The following BRINP3 variants were observed in gnomAD, a reference collection of about 807,000 sequenced individuals.
BRINP3 encodes the protein BMP/retinoic acid-inducible neural-specific protein 3.
Under a neutral mutation model 71.0 loss-of-function variants are expected in BRINP3, and 19 were observed. The ratio of observed to expected loss-of-function variants is 0.27; its 90% CI spans 0.19 to 0.39. The LOEUF is 0.39. BRINP3 is among the 10% of genes least tolerant of loss of function. BRINP3 has a pLI of 1.00. For missense variants in BRINP3, 959 were observed against 940.8 expected, an observed-to-expected ratio of 1.02 and a Z score of -0.25; for synonymous variants, 380 against 337.7, an observed-to-expected ratio of 1.13 and a Z score of -1.37.
At chr1:190,454,566 TCCCG>T in intron 2 of BRINP3, 85 bp downstream of exon 2, 1 of 1,013,408 alleles carries the variant, frequency 9.9e-7, no homozygotes, top group Non-Finnish European at 1.5e-6. Flanking sequence ...AATACCTTTT[TCCCG>T]TCTGAAACTT....
At chr1:190,176,704 T>C (rs1204235246) in intron 6 of BRINP3, among the ~76,000 whole-genome samples, 4 of 152,148 alleles carry the variant, frequency 2.6e-5, no homozygotes, top group Non-Finnish European at 5.9e-5. Flanking sequence ...CTCTTAAACC[T>C]GAAGGGACGG....
intron 1 of BRINP3, among the ~76,000 whole-genome samples, chr1:190,471,890 A>G (rs1677162277): frequency 6.6e-6 from 1 of 151,480 alleles, no homozygotes; most frequent in Admixed American, 6.6e-5. Context: ...CAGGAAGTGT[A>G]TTATTTCAAG....
intron 7 of BRINP3, among the ~76,000 whole-genome samples, chr1:190,154,665 A>C (rs750535531): frequency 1.7e-4 from 26 of 152,142 alleles, no homozygotes; most frequent in Non-Finnish European, 3.1e-4. Context: ...GAAGCATTTA[A>C]AAGAAAGTTT....
At chr1:190,111,690 G>A (rs1379771856) in intron 7 of BRINP3, among the ~76,000 whole-genome samples, 1 of 152,054 alleles carries the variant, frequency 6.6e-6, no homozygotes, top group Non-Finnish European at 1.5e-5. Context: ...CCCTGAAAAT[G>A]GACATGAGGT....
At chr1:190,263,538 C>G (rs1571560285) in intron 4 of BRINP3, among the ~76,000 whole-genome samples, 1 of 151,696 alleles carries the variant, frequency 6.6e-6, no homozygotes, top group South Asian at 2.1e-4. Flanking sequence ...AGCAATCTTC[C>G]GAGCATTCTA....
intron 6 of BRINP3, among the ~76,000 whole-genome samples, chr1:190,186,650 T>C (rs1270116171): frequency 6.6e-6 from 1 of 152,094 alleles, no homozygotes; most frequent in Non-Finnish European, 1.5e-5. Flanking sequence ...ACCCTATTTA[T>C]TTCACATTTT....
At chr1:190,444,590 AG>A (rs1388324661) in intron 2 of BRINP3, among the ~76,000 whole-genome samples, 1 of 151,702 alleles carries the variant, frequency 6.6e-6, no homozygotes, top group Non-Finnish European at 1.5e-5. Flanking sequence ...CCTGGAGTTC[AG>A]TGGCTCGAAC....
In BRINP3 at chr1:190,113,055, CTG is replaced by C. The variant is rs1190954890; in HGVS notation, c.1185-13923_1185-13922del. On this transcript the variant is annotated intron_variant, in intron 7 of 7. Coordinates refer to ENST00000367462, the MANE Select transcript of BRINP3 (RefSeq NM_199051.3). ...GTTTTAATTAACTAGATTGTGATAA[CTG>C]TTGATACTACACAGTGTATATGCAT... Among the ~76,000 whole-genome samples, 5 of 152,010 alleles carry C rather than the reference CTG, an allele frequency of 3.3e-5. No individual in the cohort carries two copies. In the South Asian group the frequency reaches 1.0e-3, roughly 31 times the overall value.
chr1:190,114,241 G>T (rs1316254424), intron 7 of BRINP3, among the ~76,000 whole-genome samples: 1 of 152,146 alleles, frequency 6.6e-6, no homozygotes, highest in Admixed American at 6.5e-5. Flanking sequence ...TGCCACGATT[G>T]TGAGCTTCCT....
intron 7 of BRINP3, among the ~76,000 whole-genome samples, chr1:190,144,755 A>G: frequency 6.6e-6 from 1 of 152,104 alleles, no homozygotes; most frequent in East Asian, 1.9e-4. Context: ...ATGATCTGTC[A>G]GTCATCCCCA....
At chr1:190,336,020 C>T (rs926768963) in intron 2 of BRINP3, among the ~76,000 whole-genome samples, 3 of 151,870 alleles carry the variant, frequency 2.0e-5, no homozygotes, top group East Asian at 1.9e-4. Context: ...CTGGCATTTC[C>T]GTCTTTTGGA....
chr1:190,385,007 G>C (rs1167864598), intron 2 of BRINP3, among the ~76,000 whole-genome samples: 1 of 151,860 alleles, frequency 6.6e-6, no homozygotes, highest in Non-Finnish European at 1.5e-5. Context: ...GGGAAAACTG[G>C]CTAGCCATAT....
chr1:190,231,009 A>G (rs1247772847), intron 5 of BRINP3, among the ~76,000 whole-genome samples: 3 of 151,570 alleles, frequency 2.0e-5, no homozygotes, highest in Non-Finnish European at 3.0e-5. Context: ...TGTATGGTAT[A>G]TATGATTTCT....
chr1:190,143,466 A>G (rs1002480647), intron 7 of BRINP3, among the ~76,000 whole-genome samples: 8 of 152,204 alleles, frequency 5.3e-5, no homozygotes, highest in Non-Finnish European at 1.2e-4. Flanking sequence ...AGGGACATTG[A>G]GGGACCATTC....
intron 2 of BRINP3, among the ~76,000 whole-genome samples, chr1:190,373,014 A>G (rs923229351): frequency 6.6e-6 from 1 of 152,192 alleles, no homozygotes; most frequent in Non-Finnish European, 1.5e-5. Context: ...CTAAGACATT[A>G]AATATCCCCA....
At chr1:190,159,874 A>G (rs1277826002) in intron 7 of BRINP3, among the ~76,000 whole-genome samples, 1 of 152,080 alleles carries the variant, frequency 6.6e-6, no homozygotes, top group African/African-American at 2.4e-5. Context: ...GTTTAAAATT[A>G]TGTACTAACC....
chr1:190,276,847 T>G (rs1412972), intron 3 of BRINP3, among the ~76,000 whole-genome samples: 60,969 of 149,892 alleles, frequency 0.41, 13,185 homozygotes, highest in Non-Finnish European at 0.49. Flanking sequence ...GTAATCAAAA[T>G]GTATATTATC....
chr1:190,436,423 A>G (rs776443798), intron 2 of BRINP3, among the ~76,000 whole-genome samples: 23 of 151,862 alleles, frequency 1.5e-4, no homozygotes, highest in Non-Finnish European at 2.9e-5. Context: ...TTAGAAAAGG[A>G]CAATCATCCC....
chr1:190,170,287 A>T (rs1034363244), intron 6 of BRINP3, among the ~76,000 whole-genome samples: 12 of 152,274 alleles, frequency 7.9e-5, no homozygotes, highest in African/African-American at 2.6e-4. Flanking sequence ...GAGGAAATAT[A>T]AAAGGAAAGA....
Sources: gnomAD v4.1 joint callset for allele counts (sites outside exome capture counted in the v4.1 genomes callset) on GRCh38, gnomAD v4.1.1 for gene constraint, MANE v1.5 for transcripts, NCBI Gene and HGNC (gene_info 2026-07-23, HGNC 2026-07-21) for gene names.